PITPNA: variants seen among roughly 807,000 people sequenced by gnomAD.
PITPNA encodes the protein phosphatidylinositol transfer protein alpha isoform.
Under a neutral mutation model 50.3 loss-of-function variants are expected in PITPNA, and 13 were observed. That is an observed-to-expected ratio of 0.26 (90% CI 0.17 to 0.41). The LOEUF (loss-of-function observed/expected upper bound fraction) is 0.41, where lower values mean the gene tolerates loss of function less well. Ranked by LOEUF, PITPNA falls within the 10% of genes least tolerant of loss-of-function variation. PITPNA has a pLI of 1.00. For synonymous variants in PITPNA, 120 were observed against 119.6 expected, an observed-to-expected ratio of 1.00 and a Z score of -0.02; for missense variants, 207 against 333.4, an observed-to-expected ratio of 0.62 and a Z score of 2.95.
chr17:1,540,515 C>G (rs1192977136), intron 6 of PITPNA, among the ~76,000 whole-genome samples: 1 of 152,152 alleles, frequency 6.6e-6, no homozygotes, highest in Non-Finnish European at 1.5e-5. Context: ...ATTGGTTTTT[C>G]CATGGCTGCA....
At position 1,541,649 on chromosome 17, in the gene PITPNA, A is replaced by G; in HGVS notation, c.298-9T>C. On this transcript the variant is annotated splice_polypyrimidine_tract_variant and intron_variant, in intron 5 of 11. Transcript: ENST00000313486. ...TCTTTCATGTACTCATTCTGGAAGA[A>G]GGAAAAAAAATACATGAAAGTCACT... The G allele has an allele frequency of 6.3e-7, 1 of 1,590,588 alleles. No individual in the cohort carries two copies.
At chr17:1,533,589 G>A (rs2075596878) in intron 10 of PITPNA, among the ~76,000 whole-genome samples, 1 of 152,108 alleles carries the variant, frequency 6.6e-6, no homozygotes, top group South Asian at 2.1e-4. Context: ...TAAGGAACAG[G>A]GAACCCTCCT....
chr17:1,554,949 T>C (rs980389740), intron 2 of PITPNA, among the ~76,000 whole-genome samples: 2 of 152,188 alleles, frequency 1.3e-5, no homozygotes, highest in Admixed American at 6.5e-5. Flanking sequence ...AAGCTGTCCC[T>C]GTGCCTCTCC....
intron 3 of PITPNA, among the ~76,000 whole-genome samples, chr17:1,550,536 T>G (rs995612285): frequency 6.7e-6 from 1 of 148,502 alleles, no homozygotes; most frequent in African/African-American, 2.5e-5. Flanking sequence ...GATTTTTTTG[T>G]TTTTTTTTTG....
At chr17:1,550,349 G>A (rs535940726) in intron 3 of PITPNA, among the ~76,000 whole-genome samples, 1 of 152,322 alleles carries the variant, frequency 6.6e-6, no homozygotes, top group South Asian at 2.1e-4. Flanking sequence ...AGTGCACCGG[G>A]CAGGCTCTGC....
Position 1,534,086 on chromosome 17 carries a change from A to T in PITPNA, c.768+13T>A, listed in dbSNP as rs971542612. 1.9e-6 allele frequency: 3 copies of T among 1,613,144 alleles called. No individual in the cohort carries two copies. Among genetic ancestry groups the T allele is most frequent in the Non-Finnish European group, 2.5e-6 (3 of 1,179,562 alleles). ...TGTTTATCTAATTGAGAGCCCCCAGAGCCCCCACTTACTTCATCCAGCTGT... is the reference window on the plus strand; with the variant it reads ...TGTTTATCTAATTGAGAGCCCCCAGTGCCCCCACTTACTTCATCCAGCTGT... On this transcript the variant is annotated intron_variant, in intron 10 of 11. Coordinates refer to ENST00000313486, the MANE Select transcript of PITPNA (RefSeq NM_006224.4).
intron 2 of PITPNA, among the ~76,000 whole-genome samples, chr17:1,554,390 ATTTTT>A (rs61238602): frequency 1.5e-5 from 1 of 66,090 alleles, no homozygotes; most frequent in Admixed American, 1.9e-4. Context: ...GTGTTTCTCT[ATTTTT>A]TTTTTTTTTT....
intron 4 of PITPNA, among the ~76,000 whole-genome samples, chr17:1,547,434 G>A (rs2075681135): frequency 6.6e-6 from 1 of 152,152 alleles, no homozygotes; most frequent in South Asian, 2.1e-4. Flanking sequence ...TGGATCACTT[G>A]AAGTCAGGAG....
At chr17:1,549,264 CTT>C (rs111372952) in intron 3 of PITPNA, among the ~76,000 whole-genome samples, 21 of 126,136 alleles carry the variant, frequency 1.7e-4, no homozygotes, top group Admixed American at 1.6e-4. Context: ...AAGCCCCCTG[CTT>C]TTTTTTTTTT....
chr17:1,520,622 G>C (rs1166111194), intron 11 of PITPNA, 84 bp from the exon 12 acceptor site: 1 of 151,960 alleles, frequency 6.6e-6, no homozygotes. Flanking sequence ...ATTTCAAGAG[G>C]AGGAGGGAAG....
chr17:1,538,935 A>G lies in PITPNA; in HGVS notation c.390T>C (p.Pro130=). The G allele has an allele frequency of 6.2e-7, 1 of 1,613,320 alleles. No homozygotes were observed. The highest frequency in any genetic ancestry group is 8.5e-7 in the Non-Finnish European group (1 of 1,179,282). The change falls in exon 7 of 12, where the codon CCT becomes CCC. Residue 130 remains proline, a synonymous_variant. Coordinates refer to ENST00000313486, the MANE Select transcript of PITPNA (RefSeq NM_006224.4). Reference sequence around the variant, plus strand: ...CGGCTTCCACGTGTTTCCACGCCTCAGGCTCCAGCTTATGCACCTGTGGGA... The same window carrying G: ...CGGCTTCCACGTGTTTCCACGCCTCGGGCTCCAGCTTATGCACCTGTGGGA... The part of the protein sequence containing the change: ...GTQENVHKLE[P]EAWKHVEAVY...
At position 1,562,243 on chromosome 17, in the gene PITPNA, A is replaced by G. The variant is rs1448807190; in HGVS notation, c.20+298T>C. ...TCCCTCCGTGCCCGTGGGCCCCTCC[A>G]TGCCCCGGCTGCCCGTCCATGCCCC... On this transcript the variant is annotated intron_variant, in intron 1 of 11. Transcript: ENST00000313486. This position sits in a 1 kb window ranked among gnomAD's most constrained non-coding sequence, Gnocchi z 6.4. Among the ~76,000 whole-genome samples the G allele has an allele frequency of 6.7e-6, 1 of 148,364 alleles. No homozygotes were observed. The highest frequency in any genetic ancestry group is 1.5e-5 in the Non-Finnish European group (1 of 66,994).
intron 9 of PITPNA, 55 bp downstream of exon 9, chr17:1,535,127 C>T (rs2151005975): frequency 2.9e-6 from 3 of 1,018,624 alleles, no homozygotes; most frequent in East Asian, 5.3e-5. Flanking sequence ...TTCTCCACCA[C>T]CCCCCCACAA....
At chr17:1,553,230 A>G in intron 2 of PITPNA, 81 bp from the exon 3 acceptor site, 1 of 1,473,276 alleles carries the variant, frequency 6.8e-7, no homozygotes, top group Non-Finnish European at 9.4e-7. Context: ...GTAAGTGTCT[A>G]ACTGGATCTC....
rs932523050 is a variant in PITPNA at position 1,521,302 on chromosome 17, CAGG to C, written c.*22+274_*22+276del. On this transcript the variant is annotated intron_variant, in intron 11 of 11. Transcript: ENST00000313486. ...ACTTGAGATGGATCAAGCTGGCAGA[CAGG>C]AGGAGTGATTCGCAGCAGATGAACT... Among the ~76,000 whole-genome samples, 28 of 152,240 alleles carry C rather than the reference CAGG, an allele frequency of 1.8e-4. No individual in the cohort carries two copies. The South Asian group carries it at 2.1e-3, about 11-fold the overall frequency.
intron 2 of PITPNA, among the ~76,000 whole-genome samples, chr17:1,556,327 T>TA (rs1189753533): frequency 6.6e-6 from 1 of 152,176 alleles, no homozygotes; most frequent in Non-Finnish European, 1.5e-5. Context: ...AGCTTCTGCT[T>TA]AGACTTCAGG....
intron 1 of PITPNA, among the ~76,000 whole-genome samples, chr17:1,560,417 C>T (rs1254493222): frequency 1.3e-5 from 2 of 152,182 alleles, no homozygotes; most frequent in East Asian, 3.9e-4. Flanking sequence ...CTCCCCCGTC[C>T]CCCGCCCAGG....
At chr17:1,529,348 C>A (rs376151483) in intron 10 of PITPNA, among the ~76,000 whole-genome samples, 2 of 151,710 alleles carry the variant, frequency 1.3e-5, no homozygotes, top group Admixed American at 6.6e-5. Context: ...CATGGTGAAA[C>A]CCCCTCTCTA....
intron 3 of PITPNA, among the ~76,000 whole-genome samples, chr17:1,548,865 C>T (rs1378407749): frequency 6.6e-6 from 1 of 152,184 alleles, no homozygotes; most frequent in African/African-American, 2.4e-5. Flanking sequence ...AACCATTTGC[C>T]TCCCAGGACA....
Sources: allele counts gnomAD v4.1 joint callset (sites outside exome capture counted in the v4.1 genomes callset), GRCh38; gene constraint gnomAD v4.1.1; non-coding constraint Gnocchi (gnomAD v3.1); transcripts MANE v1.5; gene names NCBI Gene and HGNC (gene_info 2026-07-23, HGNC 2026-07-21).